Variants in CSNK1G1 observed in about 807,000 individuals in gnomAD.
CSNK1G1 encodes casein kinase 1 gamma 1.
In CSNK1G1, 22 loss-of-function variants were observed where a neutral mutation model predicts 59.6. The ratio of observed to expected loss-of-function variants is 0.37; its 90% CI spans 0.26 to 0.53. CSNK1G1 has a LOEUF of 0.53. CSNK1G1 is among the 20% of genes least tolerant of loss of function. CSNK1G1 has a pLI of 0.89. For missense variants in CSNK1G1, 384 were observed against 519.5 expected (o/e 0.74, Z 2.54); for synonymous variants, 179 against 177.1 (o/e 1.01, Z -0.08).
intron 1 of CSNK1G1, among the ~76,000 whole-genome samples, chr15:64,353,230 A>G (rs897373958): frequency 1.2e-4 from 19 of 152,244 alleles, no homozygotes; most frequent in African/African-American, 4.6e-4. Context: ...TCCTCTGAGT[A>G]TAAATTACAT....
At chr15:64,238,518 A>AAAAAAATATATATATATAT (rs1555396879) in intron 4 of CSNK1G1, among the ~76,000 whole-genome samples, 1 of 49,244 alleles carries the variant, frequency 2.0e-5, no homozygotes. Flanking sequence ...AAAAAAAAAA[A>AAAAAAATATATATATATAT]ATATATATAT....
chr15:64,171,920 G>A lies in CSNK1G1; in HGVS notation c.*11C>T. ...AGTCCCCAGGGCCTGAGGACTCCTG[G>A]GAGGCACTGGTCACTTGTGGCGCTG... On this transcript the variant is annotated 3_prime_UTR_variant, in exon 12 of 12. Transcript: ENST00000303052. The surrounding 1 kb of genome is among the most constrained non-coding windows in gnomAD (Gnocchi z 4.8). The A allele has an allele frequency of 6.2e-7, 1 of 1,612,850 alleles. No individual in the cohort carries two copies. The highest frequency in any genetic ancestry group is 8.5e-7 in the Non-Finnish European group (1 of 1,178,826).
intron 1 of CSNK1G1, among the ~76,000 whole-genome samples, chr15:64,342,328 T>G (rs1244383039): frequency 6.6e-6 from 1 of 152,218 alleles, no homozygotes; most frequent in Non-Finnish European, 1.5e-5. Flanking sequence ...GCTGTGAGAA[T>G]AAAATGCATT....
intron 4 of CSNK1G1, among the ~76,000 whole-genome samples, chr15:64,248,895 C>T (rs373212698): frequency 6.6e-6 from 1 of 151,900 alleles, no homozygotes; most frequent in Non-Finnish European, 1.5e-5. Context: ...CCGAGGCAGG[C>T]GGATCACGAG....
rs527984949 is a variant in CSNK1G1 at position 64,230,981 on chromosome 15, T to C, written c.293-14268A>G. Among the ~76,000 whole-genome samples the C allele has an allele frequency of 1.3e-4, 19 of 150,710 alleles. No homozygotes were observed. The South Asian group carries it at 1.3e-3, about 10-fold the overall frequency. On this transcript the variant is annotated intron_variant, in intron 4 of 11. Coordinates refer to ENST00000303052, the MANE Select transcript of CSNK1G1 (RefSeq NM_022048.5). ...AGAGCGAGAATCCGTCTCAAAAAAA[T>C]AAATAAATAAATAATAAAATAAAAT...
At chr15:64,248,753 G>A (rs1035819013) in intron 4 of CSNK1G1, among the ~76,000 whole-genome samples, 1 of 152,174 alleles carries the variant, frequency 6.6e-6, no homozygotes, top group African/African-American at 2.4e-5. Flanking sequence ...GAGAGGGCGA[G>A]GCAGGCAGAT....
intron 6 of CSNK1G1, among the ~76,000 whole-genome samples, chr15:64,213,486 T>C (rs1289963490): frequency 6.6e-6 from 1 of 152,222 alleles, no homozygotes; most frequent in Non-Finnish European, 1.5e-5. Context: ...CTATGTGCAG[T>C]GAACAGAAGT....
intron 2 of CSNK1G1, among the ~76,000 whole-genome samples, chr15:64,273,242 T>C (rs1177500531): frequency 6.6e-6 from 1 of 152,172 alleles, no homozygotes; most frequent in Non-Finnish European, 1.5e-5. Context: ...TACAGATGTA[T>C]TGAAACATCA....
chr15:64,197,684 T>A (rs937805083), intron 10 of CSNK1G1, among the ~76,000 whole-genome samples: 2 of 152,194 alleles, frequency 1.3e-5, no homozygotes, highest in African/African-American at 4.8e-5. Context: ...ATGATTTCCA[T>A]GTTTGCTGCC....
intron 1 of CSNK1G1, among the ~76,000 whole-genome samples, chr15:64,307,800 C>T (rs1242644461): frequency 6.6e-6 from 1 of 152,180 alleles, no homozygotes; most frequent in Non-Finnish European, 1.5e-5. Flanking sequence ...CATTCTCCTG[C>T]CTCAGCCTCC....
chr15:64,326,241 G>A (rs112000206), intron 1 of CSNK1G1, among the ~76,000 whole-genome samples: 2,322 of 152,260 alleles, frequency 0.015, 54 homozygotes, highest in African/African-American at 0.046. Flanking sequence ...GCTCAGGCCA[G>A]TCTCGAACTC....
intron 2 of CSNK1G1, among the ~76,000 whole-genome samples, chr15:64,298,546 T>C (rs536760346): frequency 2.0e-5 from 3 of 152,340 alleles, no homozygotes; most frequent in African/African-American, 4.8e-5. Context: ...ATTCTAAATA[T>C]AAAGATCCTT....
intron 1 of CSNK1G1, among the ~76,000 whole-genome samples, chr15:64,313,746 T>A (rs1038745825): frequency 7.1e-6 from 1 of 139,962 alleles, no homozygotes; most frequent in African/African-American, 2.7e-5. Context: ...ACTTAAAGTA[T>A]AATAATAATT....
chr15:64,251,628 T>A, intron 3 of CSNK1G1, 47 bp from the exon 4 acceptor site: 2 of 1,387,034 alleles, frequency 1.4e-6, no homozygotes, highest in Non-Finnish European at 2.0e-6. Context: ...ACAAATGGGA[T>A]TTTTCCATTC....
chr15:64,297,421 A>G (rs1412288617), intron 2 of CSNK1G1, among the ~76,000 whole-genome samples: 1 of 152,036 alleles, frequency 6.6e-6, no homozygotes, highest in Non-Finnish European at 1.5e-5. Context: ...AGAAATGCAC[A>G]CGGTTGGTCA....
At chr15:64,184,546 G>A (rs1346733576) in intron 10 of CSNK1G1, among the ~76,000 whole-genome samples, 10 of 148,278 alleles carry the variant, frequency 6.7e-5, no homozygotes, top group African/African-American at 1.7e-4. Flanking sequence ...GCGTGGTGGC[G>A]GGCGCCTGTA....
chr15:64,281,924 G>GTT (rs753555945), intron 2 of CSNK1G1, among the ~76,000 whole-genome samples: 16 of 142,940 alleles, frequency 1.1e-4, no homozygotes, highest in South Asian at 2.3e-4. Context: ...ATTTTATGGA[G>GTT]TTTTTTTTTT....
At chr15:64,193,349 C>T (rs113079470) in intron 10 of CSNK1G1, among the ~76,000 whole-genome samples, 6,711 of 151,840 alleles carry the variant, frequency 0.044, 194 homozygotes, top group South Asian at 0.086. Context: ...AAAAATTAGC[C>T]AGGCATGGTG....
chr15:64,289,764 A>G (rs1392223355), intron 2 of CSNK1G1, among the ~76,000 whole-genome samples: 1 of 152,184 alleles, frequency 6.6e-6, no homozygotes, highest in Non-Finnish European at 1.5e-5. Context: ...TAAACAAACA[A>G]TAACAAAAAA....
Sources: gnomAD v4.1 joint callset for allele counts (sites outside exome capture counted in the v4.1 genomes callset) on GRCh38, gnomAD v4.1.1 for gene constraint, Gnocchi (gnomAD v3.1) non-coding constraint, MANE v1.5 for transcripts, NCBI Gene and HGNC (gene_info 2026-07-23, HGNC 2026-07-21) for gene names.